Variants in POGZ observed in about 807,000 individuals in gnomAD.
POGZ encodes the protein pogo transposable element derived with ZNF domain, also known as pogo transposable element with ZNF domain.
POGZ carries 17 observed loss-of-function variants against 134.6 expected under a neutral mutation model. The observed-to-expected ratio is 0.13, with a 90% CI of 0.09 to 0.19. POGZ has a LOEUF of 0.19. Ranked by LOEUF, POGZ falls within the 10% of genes least tolerant of loss-of-function variation. The pLI, the probability that POGZ is intolerant of heterozygous loss-of-function variation, is 1.00. For missense variants in POGZ, 1,306 were observed against 1,769.7 expected (o/e 0.74, Z 4.70); for synonymous variants, 693 against 657.1 (o/e 1.05, Z -0.84).
Position 151,406,642 on chromosome 1 carries a change from T to C in POGZ, c.2546-11A>G. The C allele has an allele frequency of 6.2e-7, 1 of 1,604,638 alleles. No homozygotes were observed. Among genetic ancestry groups the C allele is most frequent in the Non-Finnish European group, 8.5e-7 (1 of 1,176,664 alleles). On this transcript the variant is annotated splice_polypyrimidine_tract_variant and intron_variant, in intron 17 of 18. Coordinates refer to ENST00000271715, the MANE Select transcript of POGZ (RefSeq NM_015100.4). ...CTATCCAAGTGAGTCCTATGGAAAA[T>C]GAAACAACAAAAATAGTTAGCTCAG...
chr1:151,455,001 G>A (rs1662594045), intron 1 of POGZ: 1 of 152,120 alleles, frequency 6.6e-6, no homozygotes, highest in Non-Finnish European at 1.5e-5. Flanking sequence ...CAGCTACTGA[G>A]GAAGCTGAAG....
At position 151,420,461 on chromosome 1, in the gene POGZ, C is replaced by T. The variant is rs540928463; in HGVS notation, c.1678+2936G>A. ...CCTCCTGAGTAGCTACGACTATAGGCGTGCGCCACCACACCCAATTTTTGT... is the reference window on the plus strand; with the variant it reads ...CCTCCTGAGTAGCTACGACTATAGGTGTGCGCCACCACACCCAATTTTTGT... On this transcript the variant is annotated intron_variant, in intron 10 of 18. Coordinates refer to ENST00000271715, the MANE Select transcript of POGZ (RefSeq NM_015100.4). Among the ~76,000 whole-genome samples the T allele has an allele frequency of 8.3e-4, 126 of 152,156 alleles. 1 individual carries two copies. Among genetic ancestry groups the T allele is most frequent in the Non-Finnish European group, 1.1e-3 (76 of 67,986 alleles).
At chr1:151,446,931 T>A (rs1046655802) in intron 1 of POGZ, among the ~76,000 whole-genome samples, 1 of 152,128 alleles carries the variant, frequency 6.6e-6, no homozygotes, top group Non-Finnish European at 1.5e-5. Flanking sequence ...GTTAGACATG[T>A]ATTCGTCACT....
At chr1:151,454,267 T>G (rs923537966) in intron 1 of POGZ, among the ~76,000 whole-genome samples, 1 of 152,208 alleles carries the variant, frequency 6.6e-6, no homozygotes, top group East Asian at 1.9e-4. Flanking sequence ...TAAACAATGA[T>G]AATCCTCAAC....
rs764019237 is a variant in POGZ at position 151,428,324 on chromosome 1, C to T, written c.658G>A (p.Val220Met). Residue 220 changes from valine (V) to methionine (M), a missense_variant, in exon 6 of 19, where the codon GTG becomes ATG. Around this residue, in one of 10 missense-constraint regions of POGZ, gnomAD observed 541 missense variants for 680.5 expected, o/e 0.80. Coordinates refer to ENST00000271715, the MANE Select transcript of POGZ (RefSeq NM_015100.4). ...GTGAAGGTGTTGGTGGTGGGCCTCACAGGCATTGTGGAGCCTGGCCTCACA... is the reference window on the plus strand; with the variant it reads ...GTGAAGGTGTTGGTGGTGGGCCTCATAGGCATTGTGGAGCCTGGCCTCACA... Reference protein sequence around the residue: ...TPVRPGSTMPVRPTTNTFTTV... With the variant: ...TPVRPGSTMPMRPTTNTFTTV... 3.7e-6 allele frequency: 6 copies of T among 1,613,960 alleles called. No homozygotes were observed. In the African/African-American group the frequency reaches 8.0e-5, roughly 22 times the overall value.
chr1:151,430,854 G>T lies in POGZ; in HGVS notation c.284-13C>A. On this transcript the variant is annotated splice_polypyrimidine_tract_variant and intron_variant, in intron 3 of 18. Transcript: ENST00000271715. ...AAAGGATTGCCAGCTAAAGGGTAAA[G>T]GAAGAAAAAAAAAAAGGAATGTTAG... 2 of 1,524,518 alleles carry T rather than the reference G, an allele frequency of 1.3e-6. No individual in the cohort carries two copies. The highest frequency in any genetic ancestry group is 1.3e-5 in the South Asian group (1 of 77,400). 94.4% of individuals were successfully genotyped at this position (1,524,518 alleles called of 1,614,324 possible). A position where few individuals can be genotyped will look rare whatever the true frequency, so the allele number is the denominator to read the frequency against.
At chr1:151,414,620 T>C (rs889628339) in intron 10 of POGZ, among the ~76,000 whole-genome samples, 1 of 152,060 alleles carries the variant, frequency 6.6e-6, no homozygotes, top group African/African-American at 2.4e-5. Flanking sequence ...CTGTCTCTAC[T>C]AAAAATACAA....
chr1:151,404,782 C>T lies in POGZ; in HGVS notation c.*20G>A. On this transcript the variant is annotated 3_prime_UTR_variant, in exon 19 of 19. Transcript: ENST00000271715. ...CACATGTTCCCACCCTCACTCCACA[C>T]CCCCTCATGACCCCAACACTCAAAT... 6.4e-7 allele frequency: 1 copy of T among 1,574,728 alleles called. No homozygotes were observed. Among genetic ancestry groups the T allele is most frequent in the Non-Finnish European group, 8.6e-7 (1 of 1,158,754 alleles).
chr1:151,418,875 A>G (rs1455920440), intron 10 of POGZ, among the ~76,000 whole-genome samples: 2 of 151,084 alleles, frequency 1.3e-5, no homozygotes, highest in Non-Finnish European at 3.0e-5. Context: ...AATACAAAAA[A>G]TTAGCCGGGC....
Position 151,406,154 on chromosome 1 carries a change from C to T in POGZ, c.2881G>A (p.Gly961Ser), listed in dbSNP as rs1188697420. ...VTQEPELASG[G>S]GGSGGVGKKE... ...TTGCCAACTCCACCACTACCACCAC[C>T]ACCTGATGCTAGCTCAGGTTCTTGG... The change falls in exon 19 of 19, where the codon GGT becomes AGT. Residue 961 changes from glycine (G) to serine (S), a missense_variant. By Grantham distance (56) the Gly-to-Ser change is moderately conservative (BLOSUM62 0). Coordinates refer to ENST00000271715, the MANE Select transcript of POGZ (RefSeq NM_015100.4). The T allele has an allele frequency of 6.2e-7, 1 of 1,614,226 alleles. No homozygotes were observed. Among genetic ancestry groups the T allele is most frequent in the Non-Finnish European group, 8.5e-7 (1 of 1,180,030 alleles).
chr1:151,456,564 A>C (rs1331289120), intron 1 of POGZ, among the ~76,000 whole-genome samples: 3 of 152,212 alleles, frequency 2.0e-5, no homozygotes, highest in Non-Finnish European at 4.4e-5. Flanking sequence ...TCATGACAAC[A>C]ATCACACCTC....
chr1:151,411,941 G>T, intron 11 of POGZ, 170 bp from the exon 12 acceptor site: 1 of 576,484 alleles, frequency 1.7e-6, no homozygotes, highest in South Asian at 2.6e-5. Flanking sequence ...GTTTGTGATA[G>T]GTTTAGCTAT....
At chr1:151,454,118 T>C (rs903788658) in intron 1 of POGZ, among the ~76,000 whole-genome samples, 4 of 152,224 alleles carry the variant, frequency 2.6e-5, no homozygotes, top group African/African-American at 9.6e-5. Context: ...AATGAAGAAT[T>C]TGGTATCTAA....
intron 1 of POGZ, chr1:151,455,112 A>T (rs1345936373): frequency 1.3e-5 from 2 of 152,182 alleles, no homozygotes; most frequent in Non-Finnish European, 2.9e-5. Context: ...ATCTCAAAAA[A>T]AAAAAAAAGA....
In POGZ at chr1:151,408,142, T is replaced by C. The variant is rs762903499; in HGVS notation, c.2333A>G (p.Tyr778Cys). Residue 778 changes from tyrosine to cysteine, a missense_variant, in exon 15 of 19, where the codon TAT (tyrosine) becomes TGT (cysteine). Transcript: ENST00000271715. The stretch of plus-strand genomic sequence containing the variant: ...ATAAGCTCGAGAACAGCAGGTGCTA[T>C]AGCGACACAGAGAGCAGTGTACGTA... The part of the protein sequence containing the change: ...PTYVHCSLCR[Y>C]STCCSRAYAN... The C allele has an allele frequency of 6.2e-7, 1 of 1,613,420 alleles. No homozygotes were observed. Among genetic ancestry groups the C allele is most frequent in the Non-Finnish European group, 8.5e-7 (1 of 1,179,742 alleles).
Position 151,430,897 on chromosome 1 carries a change from CATTTTACTTTATTTTATTTT to C in POGZ, c.284-76_284-57del, listed in dbSNP as rs1186115758. On this transcript the variant is annotated intron_variant, in intron 3 of 18. Coordinates refer to ENST00000271715, the MANE Select transcript of POGZ (RefSeq NM_015100.4). ...AATGTTAGAAACAATGTTAAACCCA[CATTTTACTTTATTTTATTTT>C]ATTTTATTTTATTTTATTTTATTTT... is the stretch of plus-strand genomic sequence containing the variant. The C allele has an allele frequency of 3.6e-6, 4 of 1,122,268 alleles. 1 individual carries two copies. The African/African-American group carries it at 7.2e-5, about 20-fold the overall frequency. The allele number at this position is 1,122,268 out of a possible 1,614,324, so 69.5% of individuals were successfully genotyped here.
chr1:151,411,096 T>A (rs1445332293), intron 12 of POGZ, among the ~76,000 whole-genome samples: 3 of 152,206 alleles, frequency 2.0e-5, no homozygotes, highest in Non-Finnish European at 4.4e-5. Context: ...GCTGAACACA[T>A]CACTCCAGGG....
chr1:151,444,104 G>C (rs1211093500), intron 1 of POGZ, among the ~76,000 whole-genome samples: 1 of 152,140 alleles, frequency 6.6e-6, no homozygotes, highest in Non-Finnish European at 1.5e-5. Flanking sequence ...ATAGCCAGGG[G>C]CACTCTGGGT....
chr1:151,437,952 T>C (rs1659901786), intron 3 of POGZ, among the ~76,000 whole-genome samples: 1 of 152,076 alleles, frequency 6.6e-6, no homozygotes, highest in Non-Finnish European at 1.5e-5. Flanking sequence ...CTCACGCCTG[T>C]AATCCCAGCA....
Sources: allele counts gnomAD v4.1 joint callset (sites outside exome capture counted in the v4.1 genomes callset), GRCh38; gene constraint gnomAD v4.1.1; regional missense constraint gnomAD v4.1.1; transcripts MANE v1.5; gene names NCBI Gene and HGNC (gene_info 2026-07-23, HGNC 2026-07-21).